Variants in DENND5B observed in about 807,000 individuals in gnomAD.
DENND5B encodes DENN domain-containing protein 5B.
DENND5B carries 34 observed loss-of-function variants against 140.6 expected under a neutral mutation model. The observed-to-expected ratio is 0.24, with a 90% CI of 0.18 to 0.32. DENND5B has a LOEUF of 0.32. Among genes scored for constraint, DENND5B ranks in the 10% least tolerant of loss-of-function variants. The pLI is 1.00. For missense variants in DENND5B, 1,142 were observed against 1,560.2 expected (o/e 0.73, Z 4.52); for synonymous variants, 551 against 562.1 (o/e 0.98, Z 0.28).
chr12:31,402,458 C>A, intron 15 of DENND5B, 40 bp downstream of exon 15: 1 of 1,583,200 alleles, frequency 6.3e-7, no homozygotes, highest in Non-Finnish European at 8.6e-7. Flanking sequence ...TAAAACTACA[C>A]GTGATACATT....
At chr12:31,557,620 C>T (rs963221004) in intron 1 of DENND5B, among the ~76,000 whole-genome samples, 3 of 151,174 alleles carry the variant, frequency 2.0e-5, no homozygotes, top group Non-Finnish European at 4.4e-5. Context: ...TTTTTAAAGG[C>T]AAAAAGTAAA....
chr12:31,545,984 G>A (rs1214218534), intron 1 of DENND5B, among the ~76,000 whole-genome samples: 1 of 115,980 alleles, frequency 8.6e-6, no homozygotes, highest in Non-Finnish European at 2.0e-5. Context: ...GGGGGAATAT[G>A]TAAGGTAACA....
intron 14 of DENND5B, among the ~76,000 whole-genome samples, chr12:31,408,624 C>CA (rs33965275): frequency 0.35 from 24,885 of 71,984 alleles, 5,315 homozygotes; most frequent in Middle Eastern, 0.48. Context: ...GAGACTCTAT[C>CA]AAAAAAAAAA....
chr12:31,469,761 G>C (rs1945456737), intron 3 of DENND5B, among the ~76,000 whole-genome samples: 1 of 152,082 alleles, frequency 6.6e-6, no homozygotes, highest in African/African-American at 2.4e-5. Context: ...TGAGTGAGTA[G>C]TTTTTCACTC....
intron 1 of DENND5B, among the ~76,000 whole-genome samples, chr12:31,558,771 T>C (rs1006189549): frequency 4.0e-4 from 61 of 152,196 alleles, no homozygotes; most frequent in African/African-American, 1.5e-3. Context: ...GACTAAGCAT[T>C]AACTATGCAT....
rs775341665 is a variant in DENND5B at position 31,392,259 on chromosome 12, T to C, written c.3466+8A>G. The C allele has an allele frequency of 1.9e-6, 3 of 1,613,764 alleles. No individual in the cohort carries two copies. The highest frequency in any genetic ancestry group is 2.5e-6 in the Non-Finnish European group (3 of 1,179,796). ...GACCTTAATGTAATACACATCTACTTTATTTACCTATGAAGTCCCAGATGA... is the reference window on the plus strand; with the variant it reads ...GACCTTAATGTAATACACATCTACTCTATTTACCTATGAAGTCCCAGATGA... On this transcript the variant is annotated splice_region_variant and intron_variant, in intron 19 of 20. Coordinates refer to ENST00000389082, the MANE Select transcript of DENND5B (RefSeq NM_144973.4).
chr12:31,524,558 G>A (rs942404548), intron 1 of DENND5B, among the ~76,000 whole-genome samples: 1 of 152,092 alleles, frequency 6.6e-6, no homozygotes, highest in Non-Finnish European at 1.5e-5. Context: ...GAGGCTGAGG[G>A]AGGAGAATCG....
intron 1 of DENND5B, among the ~76,000 whole-genome samples, chr12:31,552,576 A>T (rs1949110485): frequency 6.6e-6 from 1 of 152,216 alleles, no homozygotes; most frequent in African/African-American, 2.4e-5. Context: ...TGCTGGCCTC[A>T]TAAAAAGAGT....
intron 4 of DENND5B, among the ~76,000 whole-genome samples, chr12:31,456,542 C>A (rs1944786882): frequency 6.6e-6 from 1 of 152,172 alleles, no homozygotes; most frequent in African/African-American, 2.4e-5. Flanking sequence ...GCAGAAATCA[C>A]CTCTTTTTGA....
chr12:31,538,773 GC>G (rs1359577311), intron 1 of DENND5B, among the ~76,000 whole-genome samples: 1 of 152,140 alleles, frequency 6.6e-6, no homozygotes, highest in Non-Finnish European at 1.5e-5. Context: ...GGAGGCTGAG[GC>G]AGGAGGATAG....
intron 1 of DENND5B, among the ~76,000 whole-genome samples, chr12:31,552,187 T>C (rs896401261): frequency 1.3e-5 from 2 of 152,178 alleles, no homozygotes; most frequent in Admixed American, 1.3e-4. Context: ...TTCAGTATGA[T>C]ATTGGCTGTG....
chr12:31,482,379 T>C (rs1308011784), intron 2 of DENND5B, among the ~76,000 whole-genome samples: 1 of 152,212 alleles, frequency 6.6e-6, no homozygotes, highest in Non-Finnish European at 1.5e-5. Context: ...ACTGAAGTTC[T>C]GATTTCTTCC....
At chr12:31,494,936 C>T (rs1278099299) in intron 2 of DENND5B, among the ~76,000 whole-genome samples, 1 of 152,128 alleles carries the variant, frequency 6.6e-6, no homozygotes, top group East Asian at 1.9e-4. Context: ...CTGCTTTTGT[C>T]GCTTCATTCT....
At chr12:31,533,544 G>GTTTC (rs1450676762) in intron 1 of DENND5B, among the ~76,000 whole-genome samples, 2 of 152,038 alleles carry the variant, frequency 1.3e-5, no homozygotes, top group African/African-American at 4.8e-5. Flanking sequence ...GCTTTGTAAG[G>GTTTC]TTTCTATAAA....
rs1319423395 is a variant in DENND5B at position 31,385,025 on chromosome 12, C to T, written c.*2578G>A. 1 of 152,086 alleles carries T rather than the reference C, an allele frequency of 6.6e-6. No homozygotes were observed. The highest frequency in any genetic ancestry group is 1.5e-5 in the Non-Finnish European group (1 of 68,032). 9.4% of individuals were successfully genotyped at this position (152,086 alleles called of 1,614,324 possible). Reference sequence around the variant, plus strand: ...TCCCGACTGACCTCAGATGAACCACCCGCCTCAGACTCCCAAAGTGTCAGG... The same window carrying T: ...TCCCGACTGACCTCAGATGAACCACTCGCCTCAGACTCCCAAAGTGTCAGG... On this transcript the variant is annotated 3_prime_UTR_variant, in exon 21 of 21. Transcript: ENST00000389082.
At chr12:31,454,812 C>CTTT (rs201720111) in intron 4 of DENND5B, among the ~76,000 whole-genome samples, 3,729 of 93,660 alleles carry the variant, frequency 0.04, 318 homozygotes, top group Non-Finnish European at 0.053. Context: ...GATTCAGTAT[C>CTTT]TTTTTTTTTT....
At chr12:31,469,605 CCT>C (rs1213951155) in intron 3 of DENND5B, among the ~76,000 whole-genome samples, 5 of 151,978 alleles carry the variant, frequency 3.3e-5, no homozygotes, top group Admixed American at 6.6e-5. Flanking sequence ...TTGGGGAACC[CCT>C]GATTTTGTAG....
At chr12:31,534,003 T>C (rs2139106886) in intron 1 of DENND5B, among the ~76,000 whole-genome samples, 1 of 152,244 alleles carries the variant, frequency 6.6e-6, no homozygotes, top group Non-Finnish European at 1.5e-5. Flanking sequence ...ACTGCATCAA[T>C]ATTTAAGACT....
At chr12:31,458,046 T>A (rs1944862951) in intron 4 of DENND5B, among the ~76,000 whole-genome samples, 1 of 152,358 alleles carries the variant, frequency 6.6e-6, no homozygotes, top group East Asian at 1.9e-4. Flanking sequence ...TAATTCAGGT[T>A]ATTTCATATT....
Sources: allele counts gnomAD v4.1 joint callset (sites outside exome capture counted in the v4.1 genomes callset), GRCh38; gene constraint gnomAD v4.1.1; transcripts MANE v1.5; gene names NCBI Gene and HGNC (gene_info 2026-07-23, HGNC 2026-07-21).